Variants in TSNARE1 observed in about 807,000 individuals in gnomAD.
TSNARE1 encodes t-SNARE domain containing 1.
Under a neutral mutation model 62.0 loss-of-function variants are expected in TSNARE1, and 49 were observed. That is an observed-to-expected ratio of 0.79 (90% CI 0.63 to 1.00). The LOEUF is 1.00. Ranked by LOEUF, TSNARE1 falls within the 50% of genes least tolerant of loss-of-function variation. TSNARE1 has a pLI of 0.00. For missense variants in TSNARE1, 755 were observed against 700.1 expected, an observed-to-expected ratio of 1.08 and a Z score of -0.88; for synonymous variants, 328 against 294.4, an observed-to-expected ratio of 1.11 and a Z score of -1.17.
At chr8:142,246,631 C>G (rs899687767) in intron 12 of TSNARE1, among the ~76,000 whole-genome samples, 1 of 152,188 alleles carries the variant, frequency 6.6e-6, no homozygotes, top group African/African-American at 2.4e-5. Flanking sequence ...TTGGGGAAGC[C>G]TCTTGGCTTC....
At chr8:142,354,400 G>T (rs1404592533) in intron 2 of TSNARE1, among the ~76,000 whole-genome samples, 2 of 151,988 alleles carry the variant, frequency 1.3e-5, no homozygotes, top group East Asian at 3.9e-4. Flanking sequence ...CCAGCTCCAT[G>T]CCCAGCATGA....
chr8:142,212,814 C>G (rs1815626258), intron 13 of TSNARE1, among the ~76,000 whole-genome samples: 1 of 75,606 alleles, frequency 1.3e-5, no homozygotes, highest in African/African-American at 5.2e-5. Flanking sequence ...CCTTCCCCCC[C>G]CTGTCCCTCC....
chr8:142,226,564 C>T (rs1208826822), intron 13 of TSNARE1, among the ~76,000 whole-genome samples: 2 of 152,178 alleles, frequency 1.3e-5, no homozygotes, highest in East Asian at 3.9e-4. Flanking sequence ...TCTGTCCAGA[C>T]TCCACACTCA....
chr8:142,262,964 C>G (rs1818967392), intron 12 of TSNARE1, among the ~76,000 whole-genome samples: 1 of 152,234 alleles, frequency 6.6e-6, no homozygotes. Flanking sequence ...ACTTCACAAA[C>G]TCTCTTATAA....
chr8:142,387,563 G>A lies in TSNARE1; in HGVS notation c.-40+15541C>T, dbSNP rs1047144298. 4.0e-5 allele frequency among the ~76,000 whole-genome samples: 6 copies of A among 151,732 alleles called. No homozygotes were observed. In the South Asian group the frequency reaches 6.3e-4, roughly 16 times the overall value. On this transcript the variant is annotated intron_variant, in intron 1 of 13. Coordinates refer to ENST00000524325, the MANE Select transcript of TSNARE1 (RefSeq NM_145003.5). ...GAAAAACAAGAGAAGCAACCGAGAC[G>A]GAAATAACCGCAGAAACCAAAGATA...
chr8:142,292,210 G>A (rs1259939483), intron 10 of TSNARE1, among the ~76,000 whole-genome samples: 1 of 151,984 alleles, frequency 6.6e-6, no homozygotes, highest in African/African-American at 2.4e-5. Flanking sequence ...CTTCCCGAGA[G>A]TCTCCACCCT....
In TSNARE1 at chr8:142,310,470, G is replaced by A. The variant is rs112440930; in HGVS notation, c.1131+3914C>T. Among the ~76,000 whole-genome samples, 909 of 152,218 alleles carry A rather than the reference G, an allele frequency of 6.0e-3. 13 individuals carry two copies. Among genetic ancestry groups the A allele is most frequent in the African/African-American group, 0.021 (859 of 41,530 alleles). On this transcript the variant is annotated intron_variant, in intron 9 of 13. Transcript: ENST00000524325. ...TCCATTGTCCCTTACTCCCTCCTCC[G>A]GGACACGCTTCCCTCTGAGATCACT...
intron 1 of TSNARE1, among the ~76,000 whole-genome samples, chr8:142,392,906 C>T (rs552087906): frequency 6.6e-6 from 1 of 150,650 alleles, no homozygotes; most frequent in Admixed American, 6.6e-5. Context: ...CACCACTGCA[C>T]TCCAGCCTGA....
upstream of TSNARE1, chr8:142,405,190 G>A (rs1838565226): frequency 6.6e-6 from 1 of 152,270 alleles, no homozygotes; most frequent in Non-Finnish European, 1.5e-5. Flanking sequence ...GATGCTAAGG[G>A]GTCCTCAGGA....
intron 11 of TSNARE1, among the ~76,000 whole-genome samples, chr8:142,281,734 C>T (rs950726148): frequency 6.6e-6 from 1 of 151,578 alleles, no homozygotes; most frequent in Non-Finnish European, 1.5e-5. Context: ...GCAACCAAGG[C>T]GGGTGGGGGC....
chr8:142,258,258 G>A (rs550848135), intron 12 of TSNARE1, among the ~76,000 whole-genome samples: 20 of 152,112 alleles, frequency 1.3e-4, no homozygotes, highest in Middle Eastern at 3.4e-3. Flanking sequence ...GAAGGCACGC[G>A]TGTGCACACT....
At chr8:142,300,371 A>C in intron 10 of TSNARE1, 115 bp downstream of exon 10, 1 of 1,258,942 alleles carries the variant, frequency 7.9e-7, no homozygotes, top group Non-Finnish European at 1.1e-6. Flanking sequence ...GCCTAGTTCC[A>C]GCCCCTCCAG....
rs141926338 is a variant in TSNARE1 at position 142,354,682 on chromosome 8, G to T, written c.43C>A (p.Arg15Ser). 1 of 1,613,330 alleles carries T rather than the reference G, an allele frequency of 6.2e-7. No individual in the cohort carries two copies. Among genetic ancestry groups the T allele is most frequent in the South Asian group, 1.1e-5 (1 of 91,020 alleles). ...SIARGGGLGS[R>S]GPFGGPSRQG... The stretch of plus-strand genomic sequence containing the variant: ...CTCGAAGGTCCCCCGAAAGGGCCAC[G>T]GCTCCCCAGGCCACCTCCACGGGCG... The change falls in exon 2 of 14, where the codon CGT (arginine) becomes AGT (serine). Residue 15 changes from arginine to serine, a missense_variant. Transcript: ENST00000524325.
intron 13 of TSNARE1, among the ~76,000 whole-genome samples, chr8:142,221,994 CACTCACTG>C (rs1816281925): frequency 2.8e-4 from 23 of 81,560 alleles, no homozygotes; most frequent in African/African-American, 5.5e-4. Flanking sequence ...CTCATTCACT[CACTCACTG>C]ATTCACTCAC....
At chr8:142,391,669 C>G (rs1429606905) in intron 1 of TSNARE1, among the ~76,000 whole-genome samples, 1 of 152,236 alleles carries the variant, frequency 6.6e-6, no homozygotes, top group Non-Finnish European at 1.5e-5. Flanking sequence ...TGCAGTACAT[C>G]TGGTCCAGCC....
intron 11 of TSNARE1, among the ~76,000 whole-genome samples, chr8:142,283,205 C>CAA (rs1821978620): frequency 6.7e-6 from 1 of 149,338 alleles, no homozygotes; most frequent in African/African-American, 2.5e-5. Flanking sequence ...CACTGTCTGT[C>CAA]TAAGGGCAAA....
At chr8:142,253,033 C>G (rs1054277195) in intron 12 of TSNARE1, among the ~76,000 whole-genome samples, 3 of 152,240 alleles carry the variant, frequency 2.0e-5, no homozygotes, top group African/African-American at 7.2e-5. Context: ...CCTCCCCAGG[C>G]CTGCAGGAGG....
intron 11 of TSNARE1, chr8:142,276,923 C>A: frequency 2.0e-6 from 2 of 985,462 alleles, no homozygotes. Flanking sequence ...AGCGCCCAGG[C>A]TGCCAGGTGG....
upstream of TSNARE1, chr8:142,405,304 G>A (rs573385254): frequency 2.0e-5 from 3 of 152,314 alleles, no homozygotes; most frequent in South Asian, 6.2e-4. Context: ...CATGACCTCG[G>A]GCAGCTCTGG....
Sources: allele counts gnomAD v4.1 joint callset (sites outside exome capture counted in the v4.1 genomes callset), GRCh38; gene constraint gnomAD v4.1.1; transcripts MANE v1.5; gene names NCBI Gene and HGNC (gene_info 2026-07-23, HGNC 2026-07-21).